The following GALNT13 variants were observed in gnomAD, a reference collection of about 807,000 sequenced individuals.
GALNT13 encodes the protein polypeptide N-acetylgalactosaminyltransferase 13.
In GALNT13, 28 loss-of-function variants were observed where a neutral mutation model predicts 64.2. The observed-to-expected ratio is 0.44, with a 90% confidence interval of 0.32 to 0.60. The LOEUF is 0.60. GALNT13 is among the 20% of genes least tolerant of loss of function. The pLI is 0.05. For synonymous variants in GALNT13, 214 were observed against 224.6 expected (o/e 0.95, Z 0.42); for missense variants, 577 against 669.8 (o/e 0.86, Z 1.53).
chr2:153,578,794 C>A, the GALNT13 span, among the ~76,000 whole-genome samples: 1 of 152,128 alleles, frequency 6.6e-6, no homozygotes, highest in Non-Finnish European at 1.5e-5. Context: ...ATGAAGTTAA[C>A]CTCAGAAAGT....
At chr2:154,322,567 C>A (rs1342547022) in intron 9 of GALNT13, among the ~76,000 whole-genome samples, 1 of 152,024 alleles carries the variant, frequency 6.6e-6, no homozygotes, top group Non-Finnish European at 1.5e-5. Flanking sequence ...TGGGAAACAG[C>A]TTTTAAGTGT....
chr2:154,154,863 A>T (rs569399676), intron 4 of GALNT13, among the ~76,000 whole-genome samples: 2 of 151,808 alleles, frequency 1.3e-5, no homozygotes, highest in African/African-American at 4.8e-5. Flanking sequence ...GATATAAGGG[A>T]AGTCAAAATA....
chr2:153,218,599 G>A, the GALNT13 span, among the ~76,000 whole-genome samples: 3 of 152,190 alleles, frequency 2.0e-5, no homozygotes, highest in Non-Finnish European at 4.4e-5. Context: ...GAACTATGGG[G>A]AATGTTCTCT....
intron 4 of GALNT13, among the ~76,000 whole-genome samples, chr2:154,209,158 G>C (rs1449114117): frequency 6.6e-6 from 1 of 151,982 alleles, no homozygotes; most frequent in Non-Finnish European, 1.5e-5. Context: ...AAAAGAGAAA[G>C]AGTACCAATA....
At chr2:153,372,221 T>TA in the GALNT13 span, among the ~76,000 whole-genome samples, 1 of 152,218 alleles carries the variant, frequency 6.6e-6, no homozygotes, top group Non-Finnish European at 1.5e-5. Context: ...CTTAACCTCT[T>TA]ATGTTTATTG....
At chr2:153,800,320 G>A in the GALNT13 span, among the ~76,000 whole-genome samples, 1 of 152,078 alleles carries the variant, frequency 6.6e-6, no homozygotes. Context: ...AAATCCTAAT[G>A]ATCATCTGAG....
the GALNT13 span, among the ~76,000 whole-genome samples, chr2:153,539,148 A>G: frequency 2.0e-5 from 3 of 147,722 alleles, no homozygotes; most frequent in South Asian, 2.2e-4. Context: ...GCCAGTGATG[A>G]TGAGCATTTT....
At chr2:153,141,416 G>A in the GALNT13 span, among the ~76,000 whole-genome samples, 1 of 152,100 alleles carries the variant, frequency 6.6e-6, no homozygotes, top group African/African-American at 2.4e-5. Flanking sequence ...ATAAGCTTAG[G>A]TAGAGCTTCC....
At chr2:153,928,072 G>T (rs561415363) in intron 2 of GALNT13, among the ~76,000 whole-genome samples, 1 of 152,052 alleles carries the variant, frequency 6.6e-6, no homozygotes, top group South Asian at 2.1e-4. Context: ...TGTGTCTAGG[G>T]TTCTGTGCTT....
At chr2:154,176,974 C>A (rs1332600735) in intron 4 of GALNT13, among the ~76,000 whole-genome samples, 3 of 152,158 alleles carry the variant, frequency 2.0e-5, no homozygotes, top group Non-Finnish European at 4.4e-5. Flanking sequence ...ATTAGATATG[C>A]AGATTCATGA....
the GALNT13 span, among the ~76,000 whole-genome samples, chr2:153,388,867 T>C: frequency 1.3e-5 from 2 of 152,158 alleles, no homozygotes; most frequent in East Asian, 3.9e-4. Context: ...CACTTTTCTC[T>C]ACCACTGTTA....
In GALNT13 at chr2:154,097,668, C is replaced by T. The variant is rs115507025; in HGVS notation, c.143-42669C>T. On this transcript the variant is annotated intron_variant, in intron 3 of 12. Transcript: ENST00000392825. Reference sequence around the variant, plus strand: ...AATAACCATTAGACTCTGAAAGCTCCTTTGAAACTAGACCTTGGCTCAGAA... The same window carrying T: ...AATAACCATTAGACTCTGAAAGCTCTTTTGAAACTAGACCTTGGCTCAGAA... Among the ~76,000 whole-genome samples the T allele has an allele frequency of 2.5e-3, 364 of 147,688 alleles. 4 individuals are homozygous for T. Among genetic ancestry groups the T allele is most frequent in the African/African-American group, 8.4e-3 (330 of 39,352 alleles).
At chr2:154,225,457 T>C (rs1688565830) in intron 4 of GALNT13, among the ~76,000 whole-genome samples, 1 of 152,066 alleles carries the variant, frequency 6.6e-6, no homozygotes, top group South Asian at 2.1e-4. Context: ...AATAAAACTG[T>C]ATATGAATTT....
At chr2:153,410,781 T>A in the GALNT13 span, among the ~76,000 whole-genome samples, 1 of 152,150 alleles carries the variant, frequency 6.6e-6, no homozygotes, top group Non-Finnish European at 1.5e-5. Flanking sequence ...ATATATAGTG[T>A]ATTGATTATA....
chr2:153,950,271 C>T (rs13423039), intron 3 of GALNT13, among the ~76,000 whole-genome samples: 10,329 of 151,268 alleles, frequency 0.068, 757 homozygotes, highest in African/African-American at 0.19. Context: ...ATAAAAAAGC[C>T]CAAATAACCC....
At chr2:153,390,634 T>G in the GALNT13 span, among the ~76,000 whole-genome samples, 20 of 152,218 alleles carry the variant, frequency 1.3e-4, no homozygotes, top group African/African-American at 4.1e-4. Flanking sequence ...TACATATCAT[T>G]TACTAATATT....
intron 3 of GALNT13, among the ~76,000 whole-genome samples, chr2:154,098,067 A>G (rs1395910702): frequency 1.3e-5 from 2 of 148,708 alleles, no homozygotes; most frequent in Non-Finnish European, 3.0e-5. Context: ...TCTAGGGCTC[A>G]GTGTGTTTCT....
the GALNT13 span, among the ~76,000 whole-genome samples, chr2:153,509,274 G>C: frequency 6.6e-6 from 1 of 152,206 alleles, no homozygotes; most frequent in African/African-American, 2.4e-5. Flanking sequence ...AGCTGCAGCT[G>C]CGTCAGGGAG....
intron 8 of GALNT13, among the ~76,000 whole-genome samples, chr2:154,279,363 A>T (rs956463865): frequency 1.3e-5 from 2 of 152,156 alleles, no homozygotes; most frequent in Non-Finnish European, 2.9e-5. Context: ...CTAAAATGGA[A>T]AGAAGAAACT....
Sources: allele counts gnomAD v4.1 joint callset (sites outside exome capture counted in the v4.1 genomes callset), GRCh38; gene constraint gnomAD v4.1.1; transcripts MANE v1.5; gene names NCBI Gene and HGNC (gene_info 2026-07-23, HGNC 2026-07-21).